Variants in P2RY8 observed in about 807,000 individuals in gnomAD.
P2RY8 encodes the protein S-geranylgeranyl-glutathione receptor P2RY8.
Under a neutral mutation model 10.0 loss-of-function variants are expected in P2RY8, and 6 were observed. The observed-to-expected ratio is 0.60, with a 90% CI of 0.33 to 1.19. The LOEUF is 1.19. P2RY8 is among the 50% of genes most tolerant of loss of function. P2RY8 has a pLI of 0.04. For missense variants in P2RY8, 456 were observed against 542.0 expected, an observed-to-expected ratio of 0.84 and a Z score of 1.58; for synonymous variants, 276 against 252.5, an observed-to-expected ratio of 1.09 and a Z score of -0.88.
rs1392303002 is a variant in P2RY8 at position 1,463,454 on chromosome X, C to G, written c.*2025G>C. On this transcript the variant is annotated 3_prime_UTR_variant, in exon 2 of 2. Coordinates refer to ENST00000381297, the MANE Select transcript of P2RY8 (RefSeq NM_178129.5). ...GTGGCCGCATCACTCCAGTCTGCCT[C>G]TGTCTCCACGTGTCCTCCTGCTCTG... is the stretch of plus-strand genomic sequence containing the variant. 8.6e-6 allele frequency: 2 copies of G among 231,842 alleles called. No individual in the cohort carries two copies. Among genetic ancestry groups the G allele is most frequent in the Non-Finnish European group, 1.7e-5 (2 of 117,526 alleles). 14.4% of individuals were successfully genotyped at this position (231,842 alleles called of 1,614,324 possible).
intron 1 of P2RY8, among the ~76,000 whole-genome samples, chrX:1,533,025 ACGAAAGAAAG>A (rs2092491840): frequency 8.1e-6 from 1 of 124,168 alleles, no homozygotes; most frequent in African/African-American, 2.9e-5. Flanking sequence ...AAAAAAAAAA[ACGAAAGAAAG>A]AAAAAAGAAA....
At chrX:1,519,808 C>T (rs1432212764) in intron 1 of P2RY8, among the ~76,000 whole-genome samples, 5 of 151,696 alleles carry the variant, frequency 3.3e-5, no homozygotes, top group South Asian at 2.1e-4. Flanking sequence ...AATATTTTCT[C>T]GGATCCCCAA....
intron 1 of P2RY8, among the ~76,000 whole-genome samples, chrX:1,526,321 C>CCCAT (rs2092439871): frequency 6.8e-6 from 1 of 147,430 alleles, no homozygotes; most frequent in African/African-American, 2.5e-5. Flanking sequence ...CGCTCATCCA[C>CCCAT]CCATCCATTC....
At chrX:1,480,329 C>T (rs2091920241) in intron 1 of P2RY8, among the ~76,000 whole-genome samples, 1 of 151,368 alleles carries the variant, frequency 6.6e-6, no homozygotes, top group Non-Finnish European at 1.5e-5. Context: ...TCAGAGTTTC[C>T]CTCTGTCTCC....
At chrX:1,494,575 A>G (rs2092098831) in intron 1 of P2RY8, among the ~76,000 whole-genome samples, 1 of 152,162 alleles carries the variant, frequency 6.6e-6, no homozygotes, top group Non-Finnish European at 1.5e-5. Context: ...ATGCGGGACC[A>G]TTGCCTCAGA....
rs2091609323 is a variant in P2RY8, at chrX:1,463,116, G to T, written c.*2363C>A. ...AGCTCTCATTTTTGTTTACAAGGCA[G>T]TTTAGGGATCGTCCGTGCGTTACTG... is the stretch of plus-strand genomic sequence containing the variant. On this transcript the variant is annotated 3_prime_UTR_variant, in exon 2 of 2. Coordinates refer to ENST00000381297, the MANE Select transcript of P2RY8 (RefSeq NM_178129.5). The T allele has an allele frequency of 4.3e-6, 1 of 233,080 alleles. No individual in the cohort carries two copies. The highest frequency in any genetic ancestry group is 1.8e-4 in the South Asian group (1 of 5,530). The allele number at this position is 233,080 out of a possible 1,614,324, so 14.4% of individuals were successfully genotyped here.
chrX:1,509,371 C>CCATCCATT (rs2092273080), intron 1 of P2RY8, among the ~76,000 whole-genome samples: 2 of 136,676 alleles, frequency 1.5e-5, no homozygotes, highest in African/African-American at 5.7e-5. Context: ...ATCCATCCAT[C>CCATCCATT]TATTCTATCT....
At chrX:1,493,575 GAAC>G (rs1290291250) in intron 1 of P2RY8, among the ~76,000 whole-genome samples, 1 of 152,146 alleles carries the variant, frequency 6.6e-6, no homozygotes, top group Non-Finnish European at 1.5e-5. Context: ...GAAAAACCAA[GAAC>G]AACGTCTCCT....
intron 1 of P2RY8, among the ~76,000 whole-genome samples, chrX:1,501,182 G>C (rs1279915690): frequency 6.6e-6 from 1 of 152,208 alleles, no homozygotes; most frequent in East Asian, 1.9e-4. Context: ...TTGGAAGGAG[G>C]TGGCTGTGTC....
chrX:1,510,835 C>T (rs1270645988), intron 1 of P2RY8, among the ~76,000 whole-genome samples: 7 of 151,662 alleles, frequency 4.6e-5, no homozygotes, highest in Non-Finnish European at 7.4e-5. Context: ...GCCGTGATCG[C>T]GTCACTGCAC....
At chrX:1,481,434 G>T (rs1290361828) in intron 1 of P2RY8, among the ~76,000 whole-genome samples, 1 of 152,150 alleles carries the variant, frequency 6.6e-6, no homozygotes, top group Non-Finnish European at 1.5e-5. Context: ...AAAGTGCTGG[G>T]ATTACAGGCG....
intron 1 of P2RY8, among the ~76,000 whole-genome samples, chrX:1,512,901 C>T (rs4372179): frequency 6.6e-6 from 1 of 151,722 alleles, no homozygotes; most frequent in African/African-American, 2.4e-5. Flanking sequence ...TGTGCAGAAC[C>T]TGCAGGTTTG....
chrX:1,485,971 C>T (rs1206813531), intron 1 of P2RY8, among the ~76,000 whole-genome samples: 1 of 152,066 alleles, frequency 6.6e-6, no homozygotes, highest in Non-Finnish European at 1.5e-5. Flanking sequence ...ATAATCCCAG[C>T]ACTTTGGGAA....
intron 1 of P2RY8, among the ~76,000 whole-genome samples, chrX:1,515,783 C>G (rs1361776282): frequency 6.6e-6 from 1 of 151,984 alleles, no homozygotes; most frequent in Non-Finnish European, 1.5e-5. Flanking sequence ...CAACCCTAAA[C>G]CTCAGTATGC....
intron 1 of P2RY8, among the ~76,000 whole-genome samples, chrX:1,527,599 C>T (rs1323526855): frequency 4.6e-5 from 7 of 151,992 alleles, no homozygotes; most frequent in Non-Finnish European, 1.0e-4. Flanking sequence ...TCCATCTGTT[C>T]ATCCATCCAT....
chrX:1,477,998 G>A (rs1373488166), intron 1 of P2RY8, among the ~76,000 whole-genome samples: 9 of 152,034 alleles, frequency 5.9e-5, no homozygotes, highest in South Asian at 2.1e-4. Flanking sequence ...TTGCCGTCAC[G>A]GACCTCCCAC....
chrX:1,493,386 A>G (rs2092076957), intron 1 of P2RY8, among the ~76,000 whole-genome samples: 1 of 27,852 alleles, frequency 3.6e-5, no homozygotes, highest in African/African-American at 1.1e-4. Flanking sequence ...AGGAGGAAGG[A>G]GGGAGGGAGG....
At position 1,508,699 on chromosome X, in the gene P2RY8, A is replaced by AT. The variant is rs1219651547; in HGVS notation, c.-25+28221dup. 1.4e-4 allele frequency among the ~76,000 whole-genome samples: 12 copies of AT among 88,678 alleles called. No individual in the cohort carries two copies. The South Asian group carries it at 1.4e-3, about 10-fold the overall frequency. The allele number at this position is 88,678 out of a possible 152,430, so 58.2% of individuals were successfully genotyped here. On this transcript the variant is annotated intron_variant, in intron 1 of 1. Transcript: ENST00000381297. ...CTATCCATCATCCATCCATCCATCC[A>AT]TCCATTCTATCTATCTATCTATCTA...
intron 1 of P2RY8, among the ~76,000 whole-genome samples, chrX:1,494,775 C>T (rs1321379439): frequency 5.3e-5 from 8 of 152,150 alleles, no homozygotes; most frequent in Admixed American, 5.2e-4. Flanking sequence ...GCACCGTCTC[C>T]GCTCACTGTC....
Sources: allele counts gnomAD v4.1 joint callset (sites outside exome capture counted in the v4.1 genomes callset), GRCh38; gene constraint gnomAD v4.1.1; transcripts MANE v1.5; gene names NCBI Gene and HGNC (gene_info 2026-07-23, HGNC 2026-07-21).